The following DLGAP1 variants were observed in gnomAD, a reference collection of about 807,000 sequenced individuals.
DLGAP1 encodes DLG associated protein 1, also known as disks large-associated protein 1.
Under a neutral mutation model 90.8 loss-of-function variants are expected in DLGAP1, and 11 were observed. The observed-to-expected ratio is 0.12, with a 90% CI of 0.08 to 0.20. The LOEUF is 0.20. DLGAP1 is among the 10% of genes least tolerant of loss of function. The probability of loss-of-function intolerance (pLI) is 1.00; values close to 1 mark genes in which losing one functional copy is unlikely to be tolerated. For missense variants in DLGAP1, 1,050 were observed against 1,333.8 expected (o/e 0.79, Z 3.31); for synonymous variants, 558 against 540.7 (o/e 1.03, Z -0.44).
intron 4 of DLGAP1, among the ~76,000 whole-genome samples, chr18:3,814,561 C>T (rs1003102046): frequency 1.3e-5 from 2 of 151,982 alleles, no homozygotes; most frequent in Non-Finnish European, 2.9e-5. Flanking sequence ...CGGGGTTTCA[C>T]CGTGTTAGCC....
chr18:4,434,854 C>T (rs7243379), intron 1 of DLGAP1, among the ~76,000 whole-genome samples: 8,586 of 152,058 alleles, frequency 0.056, 784 homozygotes, highest in African/African-American at 0.19. Context: ...GAAATAAGAG[C>T]GGGAAGACAG....
intron 1 of DLGAP1, among the ~76,000 whole-genome samples, chr18:4,309,674 G>T (rs2080350532): frequency 6.6e-6 from 1 of 152,134 alleles, no homozygotes. Flanking sequence ...GCAACATGAT[G>T]TCTTAGAGAA....
chr18:4,067,132 A>G (rs752437773), intron 2 of DLGAP1, among the ~76,000 whole-genome samples: 5 of 152,068 alleles, frequency 3.3e-5, no homozygotes, highest in Non-Finnish European at 7.4e-5. Flanking sequence ...TGATGAGAAC[A>G]CATGGACACA....
chr18:3,640,691 A>G (rs180740643), intron 7 of DLGAP1, among the ~76,000 whole-genome samples: 1 of 152,328 alleles, frequency 6.6e-6, no homozygotes, highest in African/African-American at 2.4e-5. Context: ...AGACGTGATG[A>G]CCAATGCCAA....
At chr18:3,764,976 C>T (rs2064151449) in intron 5 of DLGAP1, among the ~76,000 whole-genome samples, 1 of 151,958 alleles carries the variant, frequency 6.6e-6, no homozygotes, top group Admixed American at 6.6e-5. Context: ...TCAGTGGGTG[C>T]CAGAGGTGTA....
intron 2 of DLGAP1, among the ~76,000 whole-genome samples, chr18:4,146,286 T>TA (rs944892994): frequency 1.3e-5 from 2 of 152,176 alleles, no homozygotes; most frequent in African/African-American, 4.8e-5. Context: ...ATGAAGATAC[T>TA]AAAGTACATA....
Position 3,676,441 on chromosome 18 carries a change from G to A in DLGAP1, c.1591+52694C>T, listed in dbSNP as rs115057848. Among the ~76,000 whole-genome samples, 1,241 of 152,150 alleles carry A rather than the reference G, an allele frequency of 8.2e-3. 69 individuals carry two copies. The East Asian group carries it at 0.16, about 19-fold the overall frequency. On this transcript the variant is annotated intron_variant, in intron 7 of 12. Coordinates refer to ENST00000315677, the MANE Select transcript of DLGAP1 (RefSeq NM_004746.4). ...CTTTTTCTTCCTCCTTCTTTTGCCT[G>A]TTAAACTTCCGCTCCTAAACTCCTC...
chr18:3,837,336 G>A (rs996682882), intron 4 of DLGAP1, among the ~76,000 whole-genome samples: 1 of 151,972 alleles, frequency 6.6e-6, no homozygotes, highest in African/African-American at 2.4e-5. Context: ...TAGGCATATG[G>A]CCCCCTTTCA....
intron 2 of DLGAP1, among the ~76,000 whole-genome samples, chr18:4,039,733 G>C (rs1164274320): frequency 6.6e-6 from 1 of 152,126 alleles, no homozygotes; most frequent in East Asian, 1.9e-4. Context: ...CTTATTTGTT[G>C]AGATGGTTAA....
intron 7 of DLGAP1, among the ~76,000 whole-genome samples, chr18:3,657,872 G>C (rs2059556219): frequency 6.6e-6 from 1 of 152,018 alleles, no homozygotes; most frequent in African/African-American, 2.4e-5. Flanking sequence ...CCAAAGTGCT[G>C]GGATTACAGG....
intron 2 of DLGAP1, among the ~76,000 whole-genome samples, chr18:4,123,716 G>A (rs890238377): frequency 1.3e-5 from 2 of 152,134 alleles, no homozygotes; most frequent in African/African-American, 4.8e-5. Flanking sequence ...TACAAAAAGC[G>A]GAGGGCCCTC....
At chr18:4,126,574 T>A (rs1385953324) in intron 2 of DLGAP1, among the ~76,000 whole-genome samples, 4 of 152,228 alleles carry the variant, frequency 2.6e-5, no homozygotes, top group Non-Finnish European at 5.9e-5. Flanking sequence ...TATGTTTATA[T>A]GCAGGTAGAT....
chr18:3,813,912 C>T (rs923784822), intron 5 of DLGAP1, 147 bp downstream of exon 5: 17 of 736,668 alleles, frequency 2.3e-5, no homozygotes, highest in East Asian at 1.3e-4. Flanking sequence ...GGGGTACGGA[C>T]GTCAGATCTA....
chr18:3,559,814 G>A (rs1383379683), intron 9 of DLGAP1, among the ~76,000 whole-genome samples: 1 of 151,426 alleles, frequency 6.6e-6, no homozygotes, highest in East Asian at 2.0e-4. Flanking sequence ...ATAGATACGG[G>A]GTTTCACCAT....
intron 1 of DLGAP1, among the ~76,000 whole-genome samples, chr18:4,288,148 G>A (rs923772146): frequency 6.6e-6 from 1 of 152,108 alleles, no homozygotes; most frequent in Non-Finnish European, 1.5e-5. Flanking sequence ...GTGCCATGCT[G>A]GTGCACTGCA....
intron 3 of DLGAP1, among the ~76,000 whole-genome samples, chr18:3,916,095 C>T (rs4798143): frequency 0.56 from 84,678 of 151,968 alleles, 23,751 homozygotes; most frequent in African/African-American, 0.6. Context: ...ATAAGGCTTC[C>T]CTCTCAACAT....
chr18:4,286,008 G>C (rs1456821097), intron 1 of DLGAP1, among the ~76,000 whole-genome samples: 8 of 152,172 alleles, frequency 5.3e-5, no homozygotes, highest in Non-Finnish European at 2.9e-5. Flanking sequence ...CACTCAGAGA[G>C]AGAGAGGAAT....
At chr18:4,317,124 G>C (rs957503061) in intron 1 of DLGAP1, among the ~76,000 whole-genome samples, 2 of 152,172 alleles carry the variant, frequency 1.3e-5, no homozygotes, top group Non-Finnish European at 2.9e-5. Context: ...ATGTGAAAAT[G>C]TAGGGGGGAA....
intron 1 of DLGAP1, among the ~76,000 whole-genome samples, chr18:4,163,325 G>A (rs527827227): frequency 6.6e-6 from 1 of 152,272 alleles, no homozygotes; most frequent in Non-Finnish European, 1.5e-5. Flanking sequence ...TGGTAACTGT[G>A]GGAGAAAAGT....
Sources: allele counts gnomAD v4.1 joint callset (sites outside exome capture counted in the v4.1 genomes callset), GRCh38; gene constraint gnomAD v4.1.1; transcripts MANE v1.5; gene names NCBI Gene and HGNC (gene_info 2026-07-23, HGNC 2026-07-21).